Variants in ADAMTS9 observed in about 807,000 individuals in gnomAD.
ADAMTS9 encodes the protein A disintegrin and metalloproteinase with thrombospondin motifs 9.
In ADAMTS9, 107 loss-of-function variants were observed where a neutral mutation model predicts 257.1. The observed-to-expected ratio is 0.42, with a 90% CI of 0.36 to 0.49. The LOEUF is 0.49. Ranked by LOEUF, ADAMTS9 falls within the 20% of genes least tolerant of loss-of-function variation. The pLI, the probability that ADAMTS9 is intolerant of heterozygous loss-of-function variation, is 0.03. For synonymous variants in ADAMTS9, 982 were observed against 880.9 expected, an observed-to-expected ratio of 1.11 and a Z score of -2.03; for missense variants, 2,353 against 2,469.1, an observed-to-expected ratio of 0.95 and a Z score of 1.00.
At chr3:64,547,051 T>C in intron 31 of ADAMTS9, 99 bp from the exon 32 acceptor site, 1 of 1,089,950 alleles carries the variant, frequency 9.2e-7, no homozygotes, top group Non-Finnish European at 1.3e-6. Flanking sequence ...CGTGTGACTA[T>C]GCTGCAGAAA....
Position 64,621,116 on chromosome 3 carries a change from C to G in ADAMTS9, c.2811G>C (p.Leu937=). 6.2e-7 allele frequency: 1 copy of G among 1,607,064 alleles called. No individual in the cohort carries two copies. Among genetic ancestry groups the G allele is most frequent in the East Asian group, 2.2e-5 (1 of 44,774 alleles). ...ITEPCGTDCD[L]RWHVASRSEC... Reference sequence around the variant, plus strand: ...GCCTTGAGAAAACAGTGGCCCACCTCAGGTCACAGTCTGTACCACAGGGTT... The same window carrying G: ...GCCTTGAGAAAACAGTGGCCCACCTGAGGTCACAGTCTGTACCACAGGGTT... Residue 937 remains leucine (L), a splice_region_variant and synonymous_variant, in exon 19 of 40, where the codon CTG becomes CTC. Transcript: ENST00000498707.
In ADAMTS9 at chr3:64,607,080, C is replaced by G. The variant is rs765477454; in HGVS notation, c.3355-1G>C. 6.2e-7 allele frequency: 1 copy of G among 1,613,576 alleles called. No individual in the cohort carries two copies. The highest frequency in any genetic ancestry group is 8.5e-7 in the Non-Finnish European group (1 of 1,179,688). ...ATCCCTGTCCACAAGTGACACTGCA[C>G]TGGAAGAAGGAGGACAAAAGGTATA... On this transcript the variant is annotated splice_acceptor_variant, in intron 22 of 39. Transcript: ENST00000498707. LOFTEE classifies it high-confidence loss of function.
At position 64,633,585 on chromosome 3, in the gene ADAMTS9, A is replaced by G; in HGVS notation, c.2062T>C (p.Leu688=). ...SGILMKDRCK[L]FCRVAGNTAY... ...GTGTTCCCTGCCACTCTGCAGAACA[A>G]CTTGCACCGGTCCTTCATCAGAACT... Residue 688 remains leucine, a synonymous_variant, in exon 14 of 40, where the codon TTG becomes CTG. Transcript: ENST00000498707. 6.2e-7 allele frequency: 1 copy of G among 1,614,078 alleles called. No individual in the cohort carries two copies. The highest frequency in any genetic ancestry group is 1.3e-5 in the African/African-American group (1 of 75,018).
At chr3:64,676,175 T>C (rs1019958688) in intron 3 of ADAMTS9, among the ~76,000 whole-genome samples, 13 of 152,316 alleles carry the variant, frequency 8.5e-5, no homozygotes, top group South Asian at 4.1e-4. Context: ...TGTCTGGTTA[T>C]TGAGACTGCC....
chr3:64,580,528 A>G (rs1416088956), intron 28 of ADAMTS9, among the ~76,000 whole-genome samples: 1 of 152,194 alleles, frequency 6.6e-6, no homozygotes, highest in Non-Finnish European at 1.5e-5. Context: ...TTAGCTCAGT[A>G]GGACCTTTCC....
Position 64,686,584 on chromosome 3 carries a change from C to G in ADAMTS9, c.500G>C (p.Ser167Thr). The change falls in exon 2 of 40, where the codon AGC (serine) becomes ACC (threonine). Residue 167 changes from serine to threonine, a missense_variant. Around this residue, in one of 3 missense-constraint regions of ADAMTS9, gnomAD observed 591 missense variants for 569.6 expected, o/e 1.04. Coordinates refer to ENST00000498707, the MANE Select transcript of ADAMTS9 (RefSeq NM_182920.2). The surrounding 1 kb of genome is among the most constrained non-coding windows in gnomAD (Gnocchi z 4.6). ...CCCACTTACCATTCCTGAGCAGAGG[C>G]TGATGACGGCCGTGTGCTCGGAGTT... ...NTNSEHTAVISLCSGMLGTFR... is the reference protein window; with the variant it reads ...NTNSEHTAVITLCSGMLGTFR... 1 of 1,610,944 alleles carries G rather than the reference C, an allele frequency of 6.2e-7. No individual in the cohort carries two copies. Among genetic ancestry groups the G allele is most frequent in the Non-Finnish European group, 8.5e-7 (1 of 1,178,594 alleles).
intron 16 of ADAMTS9, among the ~76,000 whole-genome samples, chr3:64,623,369 C>T (rs1054183965): frequency 6.6e-6 from 1 of 152,190 alleles, no homozygotes; most frequent in African/African-American, 2.4e-5. Flanking sequence ...GGCCTGCAAG[C>T]AGCAGGGAAG....
chr3:64,530,797 C>A (rs2106888423), intron 38 of ADAMTS9, among the ~76,000 whole-genome samples: 1 of 152,172 alleles, frequency 6.6e-6, no homozygotes, highest in South Asian at 2.1e-4. Context: ...TTTAACAGAG[C>A]CTCACTCTAT....
intron 29 of ADAMTS9, chr3:64,563,050 T>C (rs2083455584): frequency 6.6e-6 from 1 of 152,200 alleles, no homozygotes; most frequent in Non-Finnish European, 1.5e-5. Flanking sequence ...CTACTATTGT[T>C]TGGGCTCAAT....
chr3:64,615,516 T>C lies in ADAMTS9; in HGVS notation c.3025-31A>G, dbSNP rs1430468047. On this transcript the variant is annotated intron_variant, in intron 20 of 39. Transcript: ENST00000498707. ...GGGACAAAATAAATAAATAAAACTG[T>C]TGCTAAGTTTCTTATAAAGTATGCT... 2.5e-6 allele frequency: 4 copies of C among 1,576,524 alleles called. No individual in the cohort carries two copies. In the East Asian group the frequency reaches 6.8e-5, roughly 27 times the overall value.
chr3:64,585,973 A>G (rs916047188), intron 28 of ADAMTS9, among the ~76,000 whole-genome samples: 3 of 152,240 alleles, frequency 2.0e-5, no homozygotes, highest in African/African-American at 7.2e-5. Flanking sequence ...AAAATCCTAC[A>G]TTGTAGACAT....
chr3:64,586,917 T>C lies in ADAMTS9; in HGVS notation c.4356+7341A>G, dbSNP rs751813634. ...TTCCTTCAAAGAGGGAATGATCTCC[T>C]GGAATTCAAGCTTCTACAAGGTGGC... On this transcript the variant is annotated intron_variant, in intron 28 of 39. Coordinates refer to ENST00000498707, the MANE Select transcript of ADAMTS9 (RefSeq NM_182920.2). 24 of 152,174 alleles carry C rather than the reference T, an allele frequency of 1.6e-4. 1 individual carries two copies. Among genetic ancestry groups the C allele is most frequent in the Non-Finnish European group, 1.3e-4 (9 of 68,046 alleles). The allele number at this position is 152,174 out of a possible 1,614,324, so 9.4% of individuals were successfully genotyped here. A position where few individuals can be genotyped will look rare whatever the true frequency, so the allele number is the denominator to read the frequency against.
intron 36 of ADAMTS9, among the ~76,000 whole-genome samples, chr3:64,540,271 C>G (rs1332058478): frequency 6.6e-6 from 1 of 152,150 alleles, no homozygotes; most frequent in Non-Finnish European, 1.5e-5. Context: ...TAATCTATCT[C>G]AAGAGAAAAG....
chr3:64,548,914 T>C (rs1300838512), intron 31 of ADAMTS9, among the ~76,000 whole-genome samples: 1 of 152,226 alleles, frequency 6.6e-6, no homozygotes, highest in African/African-American at 2.4e-5. Flanking sequence ...AGCTGTACAC[T>C]TCAGGCCCTG....
chr3:64,643,216 G>T (rs777871397), intron 11 of ADAMTS9, among the ~76,000 whole-genome samples: 3 of 152,102 alleles, frequency 2.0e-5, no homozygotes, highest in Non-Finnish European at 2.9e-5. Flanking sequence ...TACAGTGGTT[G>T]TGAACATTTC....
intron 38 of ADAMTS9, among the ~76,000 whole-genome samples, chr3:64,528,079 A>G (rs1334531736): frequency 6.6e-6 from 1 of 152,198 alleles, no homozygotes; most frequent in African/African-American, 2.4e-5. Flanking sequence ...GTTAGACCAT[A>G]TCTCTTAGAA....
At chr3:64,642,063 T>C (rs1700659385) in intron 11 of ADAMTS9, 70 bp from the exon 12 acceptor site, 4 of 1,533,070 alleles carry the variant, frequency 2.6e-6, no homozygotes, top group South Asian at 2.3e-5. Context: ...GCTGTCCTTT[T>C]AAACACACCA....
chr3:64,553,811 A>G (rs2083298602), intron 30 of ADAMTS9, among the ~76,000 whole-genome samples: 1 of 152,122 alleles, frequency 6.6e-6, no homozygotes, highest in South Asian at 2.1e-4. Flanking sequence ...AATCATTTCA[A>G]ATTAGTGCAG....
rs1701147052 is a variant in ADAMTS9, at chr3:64,658,713, T to G, written c.758A>C (p.Asp253Ala). 1 of 1,614,092 alleles carries G rather than the reference T, an allele frequency of 6.2e-7. No individual in the cohort carries two copies. The highest frequency in any genetic ancestry group is 1.3e-5 in the African/African-American group (1 of 74,930). ...KWGERINLAGDVAALNSGLAT... is the reference protein window; with the variant it reads ...KWGERINLAGAVAALNSGLAT... ...TAAGCCGCTGTTTAATGCTGCTACG[T>G]CACCAGCCAGGTTAATCCTTTCTCC... The change falls in exon 4 of 40, where the codon GAC becomes GCC. Residue 253 changes from aspartate to alanine, a missense_variant. By Grantham distance (126) the Asp-to-Ala change is moderately radical (BLOSUM62 -2). Transcript: ENST00000498707.
Sources: gnomAD v4.1 joint callset for allele counts (sites outside exome capture counted in the v4.1 genomes callset) on GRCh38, gnomAD v4.1.1 for gene constraint, gnomAD v4.1.1 regional missense constraint, Gnocchi (gnomAD v3.1) non-coding constraint, MANE v1.5 for transcripts, NCBI Gene and HGNC (gene_info 2026-07-23, HGNC 2026-07-21) for gene names.